Variants in AARS2 observed in about 807,000 individuals in gnomAD.
The protein encoded by AARS2 is alanyl-tRNA synthetase 2, mitochondrial.
Under a neutral mutation model 119.7 loss-of-function variants are expected in AARS2, and 78 were observed. The observed-to-expected ratio is 0.65, with a 90% CI of 0.54 to 0.79. The LOEUF is 0.79. Among genes scored for constraint, AARS2 ranks in the 30% least tolerant of loss-of-function variants. The probability of loss-of-function intolerance (pLI) is 0.00; values close to 1 mark genes in which losing one functional copy is unlikely to be tolerated. For synonymous variants in AARS2, 502 were observed against 526.3 expected, an observed-to-expected ratio of 0.95 and a Z score of 0.63; for missense variants, 1,157 against 1,291.3, an observed-to-expected ratio of 0.90 and a Z score of 1.59.
In AARS2 at chr6:44,313,093, C is replaced by T. The variant is rs1190041864; in HGVS notation, c.231G>A (p.Ala77=). Residue 77 remains alanine, a synonymous_variant, in exon 1 of 22, where the codon GCG becomes GCA. Transcript: ENST00000244571. ...RGDPSLLFVN[A]GMNQFKPIFL... Reference sequence around the variant, plus strand: ...GTTCGGCCCTCACCTGGTTCATGCCCGCATTGACAAAAAGCAAACTGGGGT... The same window carrying T: ...GTTCGGCCCTCACCTGGTTCATGCCTGCATTGACAAAAAGCAAACTGGGGT... 6.2e-7 allele frequency: 1 copy of T among 1,613,484 alleles called. No homozygotes were observed. Among genetic ancestry groups the T allele is most frequent in the Non-Finnish European group, 8.5e-7 (1 of 1,179,958 alleles).
chr6:44,302,984 T>C (rs1785488456), intron 16 of AARS2, 74 bp from the exon 17 acceptor site: 1 of 1,604,192 alleles, frequency 6.2e-7, no homozygotes, highest in Admixed American at 1.7e-5. Context: ...GCATCTCCCA[T>C]TAAGGGCTGA....
At chr6:44,304,034 G>A in intron 14 of AARS2, 147 bp downstream of exon 14, 1 of 1,194,076 alleles carries the variant, frequency 8.4e-7, no homozygotes, top group South Asian at 1.3e-5. Context: ...AGCCCAAGGG[G>A]AAAGGACTTG....
chr6:44,304,034 G>T, intron 14 of AARS2, 147 bp downstream of exon 14: 2 of 1,194,076 alleles, frequency 1.7e-6, no homozygotes, highest in Non-Finnish European at 2.4e-6. Flanking sequence ...AGCCCAAGGG[G>T]AAAGGACTTG....
rs548110065 is a variant in AARS2, at chr6:44,307,146, A to C, written c.1040+103T>G. 2 of 1,594,252 alleles carry C rather than the reference A, an allele frequency of 1.3e-6. No individual in the cohort carries two copies. Among genetic ancestry groups the C allele is most frequent in the Non-Finnish European group, 1.7e-6 (2 of 1,167,474 alleles). On this transcript the variant is annotated intron_variant, in intron 6 of 21. Coordinates refer to ENST00000244571, the MANE Select transcript of AARS2 (RefSeq NM_020745.4). The surrounding 1 kb of genome is among the most constrained non-coding windows in gnomAD (Gnocchi z 4.4). ...CCACCTCAAAGCTCTCCCTCTCCCC[A>C]TTCCTCCTACTGGCTCAACCAGACC...
Position 44,301,388 on chromosome 6 carries a change from G to A in AARS2, c.2675C>T (p.Ser892Phe), listed in dbSNP as rs1785343066. ...PLIVDTVSAE[S>F]LSVLVKVVRQ... ...GGCTTGGCTAGCACTCACTGAGAGA[G>A]ACTCAGCAGAGACTGTGTCCACAAT... is the stretch of plus-strand genomic sequence containing the variant. Residue 892 changes from serine to phenylalanine, a missense_variant, in exon 20 of 22, where the codon TCT becomes TTT. Transcript: ENST00000244571. 2 of 1,614,034 alleles carry A rather than the reference G, an allele frequency of 1.2e-6. No homozygotes were observed. Among genetic ancestry groups the A allele is most frequent in the East Asian group, 4.5e-5 (2 of 44,880 alleles).
chr6:44,310,502 T>C, intron 4 of AARS2, 59 bp from the exon 5 acceptor site: 2 of 1,602,934 alleles, frequency 1.2e-6, no homozygotes, highest in Non-Finnish European at 8.5e-7. Context: ...GTGAGACAGA[T>C]GCCCAAGTGG....
chr6:44,310,584 C>G, intron 4 of AARS2, 141 bp from the exon 5 acceptor site: 1 of 1,128,014 alleles, frequency 8.9e-7, no homozygotes, highest in South Asian at 1.4e-5. Context: ...CTTCCCCTGC[C>G]ACCCTGCAAT....
Position 44,300,643 on chromosome 6 carries a change from C to A in AARS2, c.2862G>T (p.Ala954=), listed in dbSNP as rs142694525. The A allele has an allele frequency of 5.6e-6, 9 of 1,613,800 alleles. No homozygotes were observed. The highest frequency in any genetic ancestry group is 1.1e-5 in the South Asian group (1 of 91,092). ...LAVCSHMGGK[A]WGSRVVAQGT... ...CTTGGGCCACCACTCGTGAGCCCCA[C>A]GCCTTGCCCCCCATGTGGCTGCACA... Residue 954 remains alanine, a synonymous_variant, in exon 22 of 22, where the codon GCG becomes GCT. Transcript: ENST00000244571.
At position 44,305,868 on chromosome 6, in the gene AARS2, C is replaced by G; in HGVS notation, c.1301-82G>C. 5.1e-6 allele frequency: 8 copies of G among 1,554,342 alleles called. No individual in the cohort carries two copies. Among genetic ancestry groups the G allele is most frequent in the Non-Finnish European group, 7.1e-6 (8 of 1,128,984 alleles). On this transcript the variant is annotated intron_variant, in intron 9 of 21. Transcript: ENST00000244571. This position sits in a 1 kb window ranked among gnomAD's most constrained non-coding sequence, Gnocchi z 4.6. ...GAGAAAAATAAGGTCCAGGGCCCTTCTAACCACGCAGAAGCCACCAGATGC... is the reference window on the plus strand; with the variant it reads ...GAGAAAAATAAGGTCCAGGGCCCTTGTAACCACGCAGAAGCCACCAGATGC...
In AARS2 at chr6:44,302,896, G is replaced by A. The variant is rs371852804; in HGVS notation, c.2270C>T (p.Thr757Ile). Residue 757 changes from threonine to isoleucine, a missense_variant, in exon 17 of 22, where the codon ACT becomes ATT. Thr to Ile is a moderately conservative substitution (Grantham distance 89, BLOSUM62 -1). Transcript: ENST00000244571. ...ELCCGTHLLR[T>I]GAVGDLVIIG... ...GATAACCAGGTCCCCTACAGCCCCA[G>A]TACGTAACAGGTGCCTGTGGGAGGA... The A allele has an allele frequency of 2.3e-5, 37 of 1,613,996 alleles. No individual in the cohort carries two copies. Among genetic ancestry groups the A allele is most frequent in the Non-Finnish European group, 2.9e-5 (34 of 1,180,034 alleles).
chr6:44,304,667 T>A lies in AARS2; in HGVS notation c.1730A>T (p.Tyr577Phe), dbSNP rs1292484431. The stretch of plus-strand genomic sequence containing the variant: ...CACCTCTTGCCCTGCCCGCACCAGG[T>A]AGCCACGGTCTGAAGCCTGGCCCCC... ...EQGGQASDRG[Y>F]LVRAGQEDVL... Residue 577 changes from tyrosine (Y) to phenylalanine (F), a missense_variant, in exon 12 of 22, where the codon TAC (tyrosine) becomes TTC (phenylalanine). Coordinates refer to ENST00000244571, the MANE Select transcript of AARS2 (RefSeq NM_020745.4). 6.2e-7 allele frequency: 1 copy of A among 1,614,208 alleles called. No homozygotes were observed. The highest frequency in any genetic ancestry group is 1.7e-5 in the Admixed American group (1 of 60,024).
chr6:44,302,996 G>T, intron 16 of AARS2, 70 bp downstream of exon 16: 2 of 1,605,190 alleles, frequency 1.2e-6, no homozygotes, highest in African/African-American at 1.3e-5. Context: ...AAGGGCTGAT[G>T]GCTCCAAAGA....
chr6:44,301,515 C>G (rs1280021799), intron 19 of AARS2, 51 bp from the exon 20 acceptor site: 2 of 1,518,434 alleles, frequency 1.3e-6, no homozygotes, highest in Non-Finnish European at 1.8e-6. Context: ...GGCAGGTTTC[C>G]AATTAGCCCC....
Position 44,304,201 on chromosome 6 carries a change from G to A in AARS2, c.1987C>T (p.Arg663Cys), listed in dbSNP as rs780476557. Residue 663 changes from arginine (R) to cysteine (C), a missense_variant, in exon 14 of 22, where the codon CGC becomes TGC. By Grantham distance (180) the Arg-to-Cys change is radical. Transcript: ENST00000244571. ...QGSHLNPEQL[R>C]LDVTTQTPLT... ...CTCACCTGGGTGGTCACATCCAAGC[G>A]CAGCTGCTCAGGATTGAGATGGGAG... 5.6e-6 allele frequency: 9 copies of A among 1,613,870 alleles called. No individual in the cohort carries two copies. The highest frequency in any genetic ancestry group is 1.7e-4 in the Middle Eastern group (1 of 5,830).
At chr6:44,309,397 G>A (rs1241705180) in intron 5 of AARS2, among the ~76,000 whole-genome samples, 1 of 152,218 alleles carries the variant, frequency 6.6e-6, no homozygotes, top group African/African-American at 2.4e-5. Flanking sequence ...ACAGACTCAG[G>A]GGGCAGATAC....
In AARS2 at chr6:44,309,975, T is replaced by C. The variant is rs56130549; in HGVS notation, c.894+324A>G. 0.13 allele frequency among the ~76,000 whole-genome samples: 19,046 copies of C among 152,264 alleles called. 1,520 individuals are homozygous for C. The highest frequency in any genetic ancestry group is 0.18 in the Non-Finnish European group (12,505 of 68,012). ...CCTTGTTCTTTAACACATTTATTGA[T>C]TGTCTATCTCTCATGCTAGCATATA... On this transcript the variant is annotated intron_variant, in intron 5 of 21. Transcript: ENST00000244571.
intron 15 of AARS2, 51 bp from the exon 16 acceptor site, chr6:44,303,226 G>A (rs775149782): frequency 3.7e-6 from 6 of 1,614,054 alleles, no homozygotes; most frequent in East Asian, 2.2e-5. Context: ...GAAGGATAAA[G>A]CCTCCAGGTA....
At chr6:44,311,716 T>A (rs1272933430) in intron 2 of AARS2, among the ~76,000 whole-genome samples, 181 bp from the exon 3 acceptor site, 1 of 152,236 alleles carries the variant, frequency 6.6e-6, no homozygotes, top group Non-Finnish European at 1.5e-5. Context: ...CCCAGAAAGC[T>A]TCCCCCTTCT....
Position 44,304,432 on chromosome 6 carries a change from C to T in AARS2, c.1854G>A (p.Leu618=). The T allele has an allele frequency of 6.2e-7, 1 of 1,614,224 alleles. No individual in the cohort carries two copies. The change falls in exon 13 of 22, where the codon CTG becomes CTA. Residue 618 remains leucine, a synonymous_variant. Transcript: ENST00000244571. The part of the protein sequence containing the change: ...ECLRLGDQVQ[L]HVDEAWRLGC... The stretch of plus-strand genomic sequence containing the variant: ...GGAGGATCCTTACCTCATCCACATG[C>T]AGCTGCACCTGGTCCCCTAACCGCA...
Sources: allele counts gnomAD v4.1 joint callset (sites outside exome capture counted in the v4.1 genomes callset), GRCh38; gene constraint gnomAD v4.1.1; non-coding constraint Gnocchi (gnomAD v3.1); transcripts MANE v1.5; gene names NCBI Gene and HGNC (gene_info 2026-07-23, HGNC 2026-07-21).